The following RSU1 variants were observed in gnomAD, a reference collection of about 807,000 sequenced individuals.
The protein encoded by RSU1 is rsu-1.
RSU1 carries 26 observed loss-of-function variants against 31.1 expected under a neutral mutation model. That is an observed-to-expected ratio of 0.84 (90% CI 0.61 to 1.16). The LOEUF is 1.16. RSU1 is among the 50% of genes most tolerant of loss of function. The probability of loss-of-function intolerance (pLI) is 0.00; values close to 1 mark genes in which losing one functional copy is unlikely to be tolerated. For missense variants in RSU1, 320 were observed against 339.1 expected, an observed-to-expected ratio of 0.94 and a Z score of 0.44; for synonymous variants, 164 against 136.3, an observed-to-expected ratio of 1.20 and a Z score of -1.41.
intron 8 of RSU1, among the ~76,000 whole-genome samples, chr10:16,655,229 CT>C (rs368484843): frequency 7.3e-4 from 111 of 152,234 alleles, no homozygotes; most frequent in African/African-American, 2.6e-3. Flanking sequence ...TTTGCATCTT[CT>C]TCTGCAATGA....
At chr10:16,811,031 A>C (rs372694985) in intron 2 of RSU1, among the ~76,000 whole-genome samples, 1 of 151,612 alleles carries the variant, frequency 6.6e-6, no homozygotes, top group East Asian at 2.1e-4. Flanking sequence ...CAAAAACACA[A>C]ACAAACAATG....
intron 7 of RSU1, among the ~76,000 whole-genome samples, chr10:16,705,634 G>A (rs528325134): frequency 2.4e-4 from 37 of 152,092 alleles, no homozygotes; most frequent in Admixed American, 2.0e-3. Flanking sequence ...GACTACAGGC[G>A]AGTGCCACCA....
chr10:16,812,252 G>C (rs1444006580), intron 2 of RSU1, among the ~76,000 whole-genome samples: 1 of 152,138 alleles, frequency 6.6e-6, no homozygotes, highest in African/African-American at 2.4e-5. Flanking sequence ...GACCAGCCTG[G>C]CCAATATGGT....
At chr10:16,610,783 G>C (rs971088045) in intron 8 of RSU1, among the ~76,000 whole-genome samples, 8 of 152,162 alleles carry the variant, frequency 5.3e-5, no homozygotes, top group African/African-American at 1.9e-4. Flanking sequence ...CCGCAACCCT[G>C]CTGGTCCATG....
intron 8 of RSU1, among the ~76,000 whole-genome samples, chr10:16,678,834 A>G (rs975143197): frequency 6.6e-6 from 1 of 152,150 alleles, no homozygotes; most frequent in Non-Finnish European, 1.5e-5. Flanking sequence ...TCCTTCAGGA[A>G]TATTCCATCC....
intron 8 of RSU1, among the ~76,000 whole-genome samples, chr10:16,622,261 C>A: frequency 6.6e-6 from 1 of 152,310 alleles, no homozygotes; most frequent in Non-Finnish European, 1.5e-5. Context: ...CTGATGATGA[C>A]GTGAGGTCAA....
chr10:16,606,834 C>T (rs1833813411), intron 8 of RSU1, among the ~76,000 whole-genome samples: 1 of 152,220 alleles, frequency 6.6e-6, no homozygotes, highest in Admixed American at 6.5e-5. Context: ...GCATACCATA[C>T]ATAGTGGTAT....
At chr10:16,708,675 T>C (rs1005085050) in intron 7 of RSU1, among the ~76,000 whole-genome samples, 1 of 152,158 alleles carries the variant, frequency 6.6e-6, no homozygotes, top group African/African-American at 2.4e-5. Flanking sequence ...TTAGGTAATA[T>C]GGCCATCTTA....
At chr10:16,776,848 C>T (rs1319670966) in intron 3 of RSU1, among the ~76,000 whole-genome samples, 1 of 149,268 alleles carries the variant, frequency 6.7e-6, no homozygotes, top group African/African-American at 2.5e-5. Flanking sequence ...TTAAGCCCAT[C>T]ATTCCTTGGC....
chr10:16,681,441 T>G (rs2131548944), intron 8 of RSU1, among the ~76,000 whole-genome samples: 1 of 152,334 alleles, frequency 6.6e-6, no homozygotes, highest in South Asian at 2.1e-4. Context: ...TCTGGTAATT[T>G]TATCTTGGAT....
At position 16,664,213 on chromosome 10, in the gene RSU1, G is replaced by A. The variant is rs79881674; in HGVS notation, c.731+30810C>T. 7.2e-5 allele frequency among the ~76,000 whole-genome samples: 11 copies of A among 152,232 alleles called. No individual in the cohort carries two copies. In the East Asian group the frequency reaches 2.1e-3, roughly 29 times the overall value. On this transcript the variant is annotated intron_variant, in intron 8 of 8. Coordinates refer to ENST00000345264, the MANE Select transcript of RSU1 (RefSeq NM_012425.4). ...TTTTAGAAGTTTATGAGGTCTTGAG[G>A]GAAATTACAGATCACTCCACGGATA...
At chr10:16,662,915 G>T (rs1030590109) in intron 8 of RSU1, among the ~76,000 whole-genome samples, 1 of 151,334 alleles carries the variant, frequency 6.6e-6, no homozygotes, top group African/African-American at 2.4e-5. Flanking sequence ...TATAGTCCAT[G>T]ACTGAGTGAG....
At chr10:16,722,315 G>A (rs187028813) in intron 7 of RSU1, among the ~76,000 whole-genome samples, 296 of 152,226 alleles carry the variant, frequency 1.9e-3, no homozygotes, top group Admixed American at 3.3e-3. Context: ...CTAATGAGGT[G>A]GGAATATTGT....
intron 7 of RSU1, among the ~76,000 whole-genome samples, chr10:16,731,182 A>G (rs1264213737): frequency 6.6e-6 from 1 of 152,178 alleles, no homozygotes; most frequent in Non-Finnish European, 1.5e-5. Flanking sequence ...ATCATCTACT[A>G]GTTAATTTAA....
intron 8 of RSU1, among the ~76,000 whole-genome samples, chr10:16,658,142 C>T (rs762076542): frequency 2.4e-4 from 36 of 152,256 alleles, no homozygotes; most frequent in Non-Finnish European, 3.5e-4. Flanking sequence ...TGTGCCTTTT[C>T]CTTTATTCCA....
intron 8 of RSU1, among the ~76,000 whole-genome samples, chr10:16,633,541 G>T (rs990035341): frequency 2.6e-5 from 4 of 152,136 alleles, no homozygotes; most frequent in Admixed American, 2.6e-4. Context: ...TTCAGCACTG[G>T]TGTGGTGAGA....
intron 8 of RSU1, among the ~76,000 whole-genome samples, chr10:16,658,513 C>G (rs1053063604): frequency 1.3e-5 from 2 of 152,154 alleles, no homozygotes; most frequent in African/African-American, 4.8e-5. Context: ...CACCGGAGAT[C>G]AGGAGTTCGA....
intron 7 of RSU1, among the ~76,000 whole-genome samples, chr10:16,696,047 G>C (rs1835668116): frequency 6.6e-6 from 1 of 152,090 alleles, no homozygotes; most frequent in African/African-American, 2.4e-5. Flanking sequence ...AAGTGTGAAA[G>C]AACTTCCTAA....
chr10:16,593,650 T>G (rs1833553040), intron 8 of RSU1, among the ~76,000 whole-genome samples, 154 bp from the exon 9 acceptor site: 1 of 152,266 alleles, frequency 6.6e-6, no homozygotes, highest in Non-Finnish European at 1.5e-5. Context: ...GGTGCTACGC[T>G]GTGTTGAATA....
Sources: allele counts gnomAD v4.1 joint callset (sites outside exome capture counted in the v4.1 genomes callset), GRCh38; gene constraint gnomAD v4.1.1; transcripts MANE v1.5; gene names NCBI Gene and HGNC (gene_info 2026-07-23, HGNC 2026-07-21).